Variants in NEK10 observed in about 807,000 individuals in gnomAD.
NEK10 encodes the protein NIMA related kinase 10.
A neutral mutation model predicts 159.8 loss-of-function variants in NEK10; 122 were observed. The observed-to-expected ratio is 0.76, with a 90% CI of 0.66 to 0.89. The LOEUF (loss-of-function observed/expected upper bound fraction) is 0.89. Ranked by LOEUF, NEK10 falls within the 40% of genes least tolerant of loss-of-function variation. The probability of loss-of-function intolerance (pLI) is 0.00; values close to 1 mark genes in which losing one functional copy is unlikely to be tolerated. For missense variants in NEK10, 1,342 were observed against 1,323.1 expected (o/e 1.01, Z -0.22); for synonymous variants, 466 against 457.1 (o/e 1.02, Z -0.25).
chr3:27,175,590 T>A (rs1410869003), intron 26 of NEK10, among the ~76,000 whole-genome samples: 2 of 152,188 alleles, frequency 1.3e-5, no homozygotes, highest in Non-Finnish European at 2.9e-5. Context: ...AGAAAGACCG[T>A]GCGGAAGGAA....
chr3:27,117,613 G>T (rs1403461769), intron 33 of NEK10, among the ~76,000 whole-genome samples: 1 of 152,132 alleles, frequency 6.6e-6, no homozygotes, highest in Non-Finnish European at 1.5e-5. Context: ...TTTGTTGGCC[G>T]CATAAATGTC....
chr3:27,170,107 T>G (rs937478192), intron 29 of NEK10, among the ~76,000 whole-genome samples: 1 of 152,164 alleles, frequency 6.6e-6, no homozygotes, highest in Admixed American at 6.5e-5. Context: ...AAGAACCCCC[T>G]GTCACATAAG....
intron 26 of NEK10, among the ~76,000 whole-genome samples, chr3:27,189,818 A>G (rs552355279): frequency 6.6e-6 from 1 of 152,288 alleles, no homozygotes; most frequent in South Asian, 2.1e-4. Flanking sequence ...GAAAGGAGAA[A>G]GTACTGTATG....
In NEK10 at chr3:27,108,634, A is replaced by C. The variant is rs1939219279; in HGVS notation, c.*2638T>G. Among the ~76,000 whole-genome samples the C allele has an allele frequency of 6.6e-6, 1 of 152,226 alleles. No individual in the cohort carries two copies. Among genetic ancestry groups the C allele is most frequent in the South Asian group, 2.1e-4 (1 of 4,830 alleles). ...TTTCATTGCACAACAAATCATTAAA[A>C]ATTATACAAGAGAAAGGGAAAAAAT... On this transcript the variant is annotated 3_prime_UTR_variant, in exon 36 of 36. Coordinates refer to ENST00000691995, the MANE Select transcript of NEK10 (RefSeq NM_001394966.1).
At chr3:27,205,479 A>C (rs868611134) in intron 23 of NEK10, among the ~76,000 whole-genome samples, 2 of 104,042 alleles carry the variant, frequency 1.9e-5, no homozygotes, top group East Asian at 4.5e-4. Context: ...TACAGTAACC[A>C]AAACAGCATG....
intron 25 of NEK10, among the ~76,000 whole-genome samples, chr3:27,198,331 C>CAAAAAAAAAAA (rs59823084): frequency 9.8e-6 from 1 of 102,052 alleles, no homozygotes; most frequent in African/African-American, 3.1e-5. Context: ...CAATCCTAAG[C>CAAAAAAAAAAA]AAAAAAAAAA....
chr3:27,334,953 G>A (rs1184173252), intron 5 of NEK10, among the ~76,000 whole-genome samples: 1 of 152,148 alleles, frequency 6.6e-6, no homozygotes, highest in Non-Finnish European at 1.5e-5. Context: ...AGTTCAGTGA[G>A]ATATAAGAAA....
At chr3:27,152,313 GC>G (rs1483147578) in intron 30 of NEK10, among the ~76,000 whole-genome samples, 1 of 152,174 alleles carries the variant, frequency 6.6e-6, no homozygotes, top group Non-Finnish European at 1.5e-5. Context: ...AACCCTACAA[GC>G]TAGAAGGGAT....
intron 20 of NEK10, among the ~76,000 whole-genome samples, chr3:27,287,136 TA>T (rs36078735): frequency 0.28 from 37,779 of 134,316 alleles, 5,367 homozygotes; most frequent in Middle Eastern, 0.44. Flanking sequence ...AGGCCCTACT[TA>T]AAAAAAAAAA....
At chr3:27,138,901 G>A (rs1236275052) in intron 31 of NEK10, among the ~76,000 whole-genome samples, 1 of 152,164 alleles carries the variant, frequency 6.6e-6, no homozygotes, top group Non-Finnish European at 1.5e-5. Context: ...CAGTAATGAA[G>A]AACACAAGGA....
intron 22 of NEK10, among the ~76,000 whole-genome samples, chr3:27,267,086 C>A (rs747665577): frequency 2.0e-5 from 3 of 152,158 alleles, no homozygotes; most frequent in Non-Finnish European, 4.4e-5. Context: ...AGCACCCAAG[C>A]CAACAGCTTC....
Position 27,280,908 on chromosome 3 carries a change from ATAT to A in NEK10, c.2014+3691_2014+3693del, listed in dbSNP as rs1392753738. Among the ~76,000 whole-genome samples, 10 of 118,452 alleles carry A rather than the reference ATAT, an allele frequency of 8.4e-5. No individual in the cohort carries two copies. The South Asian group carries it at 1.0e-3, about 12-fold the overall frequency. 77.7% of individuals were successfully genotyped at this position (118,452 alleles called of 152,430 possible). ...TGTGTATATGTGTGTGTATATGTAC[ATAT>A]GGTGTGTGTGTGTGTGTGTGTGTGT... On this transcript the variant is annotated intron_variant, in intron 22 of 35. Coordinates refer to ENST00000691995, the MANE Select transcript of NEK10 (RefSeq NM_001394966.1).
At chr3:27,313,482 T>C (rs919558908) in intron 7 of NEK10, among the ~76,000 whole-genome samples, 6 of 152,142 alleles carry the variant, frequency 3.9e-5, no homozygotes, top group Admixed American at 1.3e-4. Flanking sequence ...GAAAATGTTT[T>C]GAACATCTTC....
intron 26 of NEK10, among the ~76,000 whole-genome samples, chr3:27,182,604 A>T (rs1948233115): frequency 7.7e-6 from 1 of 130,056 alleles, no homozygotes; most frequent in South Asian, 2.1e-4. Flanking sequence ...GTATTTATAC[A>T]CAAGAAAAGA....
At chr3:27,266,138 C>T (rs565602660) in intron 22 of NEK10, among the ~76,000 whole-genome samples, 160 of 152,238 alleles carry the variant, frequency 1.1e-3, no homozygotes, top group African/African-American at 3.5e-3. Context: ...TAGTCTGCAG[C>T]TTATCTTTTC....
intron 30 of NEK10, among the ~76,000 whole-genome samples, chr3:27,142,958 T>C (rs1234189476): frequency 6.6e-6 from 1 of 152,230 alleles, no homozygotes; most frequent in Non-Finnish European, 1.5e-5. Flanking sequence ...ATGGACACAA[T>C]GTTTACTCCT....
At chr3:27,193,137 C>A (rs1351796133) in intron 25 of NEK10, among the ~76,000 whole-genome samples, 1 of 152,120 alleles carries the variant, frequency 6.6e-6, no homozygotes, top group African/African-American at 2.4e-5. Context: ...AAAGAAAATC[C>A]ACACTTTTAT....
chr3:27,204,281 T>C (rs1353530181), intron 23 of NEK10, among the ~76,000 whole-genome samples: 1 of 120,806 alleles, frequency 8.3e-6, no homozygotes, highest in Non-Finnish European at 1.7e-5. Context: ...TTTTCTTTTT[T>C]TTTTTTTTTT....
intron 22 of NEK10, among the ~76,000 whole-genome samples, chr3:27,263,612 G>A (rs897781765): frequency 2.0e-5 from 3 of 152,154 alleles, no homozygotes; most frequent in Non-Finnish European, 2.9e-5. Flanking sequence ...AGGACCCTCC[G>A]AGCCAGGCAC....
Sources: allele counts gnomAD v4.1 joint callset (sites outside exome capture counted in the v4.1 genomes callset), GRCh38; gene constraint gnomAD v4.1.1; transcripts MANE v1.5; gene names NCBI Gene and HGNC (gene_info 2026-07-23, HGNC 2026-07-21).